Variants in RCSD1 observed in about 807,000 individuals in gnomAD.
The protein encoded by RCSD1 is capZ-interacting protein.
A neutral mutation model predicts 42.5 loss-of-function variants in RCSD1; 26 were observed. That is an observed-to-expected ratio of 0.61 (90% CI 0.45 to 0.85). RCSD1 has a LOEUF of 0.85. Ranked by LOEUF, RCSD1 falls within the 40% of genes least tolerant of loss-of-function variation. The probability of loss-of-function intolerance (pLI) is 0.00; values close to 1 mark genes in which losing one functional copy is unlikely to be tolerated. For synonymous variants in RCSD1, 220 were observed against 212.2 expected (o/e 1.04, Z -0.32); for missense variants, 571 against 528.3 (o/e 1.08, Z -0.79).
chr1:167,691,009 A>G (rs1051818017), intron 4 of RCSD1, among the ~76,000 whole-genome samples: 3 of 151,114 alleles, frequency 2.0e-5, no homozygotes, highest in African/African-American at 7.3e-5. Context: ...TTCACAGGTG[A>G]TATAATAAAA....
chr1:167,658,182 C>A (rs1658463233), intron 1 of RCSD1, among the ~76,000 whole-genome samples: 1 of 152,146 alleles, frequency 6.6e-6, no homozygotes, highest in South Asian at 2.1e-4. Flanking sequence ...CCAGATCAGC[C>A]CCCCTCCCTG....
intron 1 of RCSD1, among the ~76,000 whole-genome samples, chr1:167,677,456 G>A (rs150759951): frequency 3.0e-4 from 46 of 152,318 alleles, no homozygotes; most frequent in African/African-American, 1.0e-3. Context: ...TGTGCCCCCA[G>A]GAGGCAGGTC....
At chr1:167,695,112 C>T (rs901400514) in intron 5 of RCSD1, among the ~76,000 whole-genome samples, 12 of 152,158 alleles carry the variant, frequency 7.9e-5, no homozygotes, top group African/African-American at 2.4e-4. Context: ...AGGGAGGACT[C>T]AAGGAAATAA....
intron 3 of RCSD1, among the ~76,000 whole-genome samples, chr1:167,689,493 A>AGAAAAAG (rs35668214): frequency 7.3e-6 from 1 of 137,078 alleles, no homozygotes; most frequent in South Asian, 2.3e-4. Flanking sequence ...AAAAAAAAAA[A>AGAAAAAG]AAAAGAAAAG....
At chr1:167,704,601 G>A (rs1659714102) in intron 6 of RCSD1, 63 bp from the exon 7 acceptor site, 6 of 1,370,182 alleles carry the variant, frequency 4.4e-6, no homozygotes, top group East Asian at 4.6e-5. Flanking sequence ...CCCAAGGAGG[G>A]ATGCTGAGTG....
At position 167,689,442 on chromosome 1, in the gene RCSD1, A is replaced by C. The variant is rs560894221; in HGVS notation, c.199-607A>C. Among the ~76,000 whole-genome samples, 52 of 150,714 alleles carry C rather than the reference A, an allele frequency of 3.5e-4. 1 individual carries two copies. The South Asian group carries it at 3.6e-3, about 10-fold the overall frequency. On this transcript the variant is annotated intron_variant, in intron 3 of 6. Coordinates refer to ENST00000367854, the MANE Select transcript of RCSD1 (RefSeq NM_052862.4). ...GGTTGCAGTGAGCCGAGATTGCGCCATTGCACTCCAGATTGAGGAACAAGC... is the reference window on the plus strand; with the variant it reads ...GGTTGCAGTGAGCCGAGATTGCGCCCTTGCACTCCAGATTGAGGAACAAGC...
chr1:167,649,206 G>A (rs1658242884), intron 1 of RCSD1, among the ~76,000 whole-genome samples: 1 of 152,122 alleles, frequency 6.6e-6, no homozygotes, highest in African/African-American at 2.4e-5. Context: ...GTGAGGAGGA[G>A]GGTGTTCTAG....
chr1:167,698,807 G>GTT (rs113396577), intron 6 of RCSD1, among the ~76,000 whole-genome samples: 6,787 of 148,504 alleles, frequency 0.046, 216 homozygotes, highest in Middle Eastern at 0.12. Flanking sequence ...TTTTGTTTTT[G>GTT]TTTTTGTTTT....
chr1:167,637,981 C>T (rs1043955495), intron 1 of RCSD1, among the ~76,000 whole-genome samples: 9 of 152,260 alleles, frequency 5.9e-5, no homozygotes, highest in African/African-American at 2.2e-4. Flanking sequence ...TGCTATTGCA[C>T]AATCCAGCAC....
intron 1 of RCSD1, among the ~76,000 whole-genome samples, chr1:167,669,736 C>T (rs1011961472): frequency 2.6e-5 from 4 of 152,206 alleles, no homozygotes; most frequent in Admixed American, 2.6e-4. Flanking sequence ...TGATGGTCCT[C>T]TCCTGTCTCC....
intron 1 of RCSD1, among the ~76,000 whole-genome samples, chr1:167,660,491 A>T (rs1376150986): frequency 2.0e-5 from 3 of 150,138 alleles, no homozygotes; most frequent in Non-Finnish European, 3.0e-5. Context: ...TTTTTTTTAG[A>T]AACAGGGTCT....
chr1:167,701,453 G>A (rs554313954), intron 6 of RCSD1, among the ~76,000 whole-genome samples: 15 of 151,816 alleles, frequency 9.9e-5, no homozygotes, highest in South Asian at 2.1e-4. Flanking sequence ...TTACAAGCCC[G>A]CACCACCATG....
rs199582893 is a variant in RCSD1 at position 167,697,390 on chromosome 1, G to A, written c.766G>A (p.Glu256Lys). 53 of 1,613,680 alleles carry A rather than the reference G, an allele frequency of 3.3e-5. No homozygotes were observed. In the Middle Eastern group the frequency reaches 2.0e-3, roughly 60 times the overall value. ...GAAGCAGGAGGAGGACAGGGCCACA[G>A]AGGAAGCCAAGAACGGTGAAAAGGC... is the stretch of plus-strand genomic sequence containing the variant. Reference protein sequence around the residue: ...TEKQEEDRATEEAKNGEKARR... With the variant: ...TEKQEEDRATKEAKNGEKARR... The change falls in exon 6 of 7, where the codon GAG becomes AAG. Residue 256 changes from glutamate to lysine, a missense_variant. Coordinates refer to ENST00000367854, the MANE Select transcript of RCSD1 (RefSeq NM_052862.4).
At chr1:167,678,603 C>A (rs1245876380) in intron 1 of RCSD1, among the ~76,000 whole-genome samples, 1 of 152,200 alleles carries the variant, frequency 6.6e-6, no homozygotes, top group Non-Finnish European at 1.5e-5. Context: ...CCGCTGCCAG[C>A]ACCTGCCTCT....
At chr1:167,676,396 G>T (rs1658953074) in intron 1 of RCSD1, among the ~76,000 whole-genome samples, 1 of 152,166 alleles carries the variant, frequency 6.6e-6, no homozygotes, top group Non-Finnish European at 1.5e-5. Context: ...ACCAAAGGAT[G>T]ATAGATGTTA....
At chr1:167,677,357 C>A (rs1459899070) in intron 1 of RCSD1, among the ~76,000 whole-genome samples, 2 of 152,154 alleles carry the variant, frequency 1.3e-5, no homozygotes, top group African/African-American at 4.8e-5. Context: ...TCACTTTAGC[C>A]AAAGAAATCT....
At position 167,697,450 on chromosome 1, in the gene RCSD1, C is replaced by T. The variant is rs1432517332; in HGVS notation, c.826C>T (p.Pro276Ser). 1 of 1,611,704 alleles carries T rather than the reference C, an allele frequency of 6.2e-7. No homozygotes were observed. The highest frequency in any genetic ancestry group is 1.3e-5 in the African/African-American group (1 of 74,974). The stretch of plus-strand genomic sequence containing the variant: ...TTCAGAGGAGGTGGACGGCCAGCAC[C>T]CGGCCCAAGAGGAGGTCCCGGAATC... ...RSSEEVDGQH[P>S]AQEEVPESPQ... The change falls in exon 6 of 7, where the codon CCG becomes TCG. Residue 276 changes from proline to serine, a missense_variant. Physicochemically the swap from Pro to Ser is moderately conservative, Grantham distance 74. Coordinates refer to ENST00000367854, the MANE Select transcript of RCSD1 (RefSeq NM_052862.4).
intron 3 of RCSD1, among the ~76,000 whole-genome samples, chr1:167,688,345 T>C (rs1406097155): frequency 6.6e-6 from 1 of 152,058 alleles, no homozygotes; most frequent in African/African-American, 2.4e-5. Flanking sequence ...TTTCTAAAAG[T>C]TTCTCTGAAA....
rs1023958965 is a variant in RCSD1 at position 167,683,982 on chromosome 1, A to G, written c.89A>G (p.Gln30Arg). The change falls in exon 2 of 7, where the codon CAG becomes CGG. Residue 30 changes from glutamine (Q) to arginine (R), a missense_variant. Physicochemically the swap from Gln to Arg is conservative, Grantham distance 43 (BLOSUM62 1). Coordinates refer to ENST00000367854, the MANE Select transcript of RCSD1 (RefSeq NM_052862.4). The stretch of plus-strand genomic sequence containing the variant: ...CAGCTGGCCGGGCGGTTTAGGGAGC[A>G]GGCGGCTGCAGCCAAGGAGGTGAGT... ...VAQLAGRFRE[Q>R]AAAAKETPAS... 7 of 1,613,808 alleles carry G rather than the reference A, an allele frequency of 4.3e-6. No homozygotes were observed. The highest frequency in any genetic ancestry group is 5.9e-6 in the Non-Finnish European group (7 of 1,180,006).
Sources: allele counts gnomAD v4.1 joint callset (sites outside exome capture counted in the v4.1 genomes callset), GRCh38; gene constraint gnomAD v4.1.1; transcripts MANE v1.5; gene names NCBI Gene and HGNC (gene_info 2026-07-23, HGNC 2026-07-21).